HEPH: variants seen among roughly 807,000 people sequenced by gnomAD.
HEPH encodes hephaestin.
In HEPH, 69 loss-of-function variants were observed where a neutral mutation model predicts 80.8. The observed-to-expected ratio is 0.85, with a 90% CI of 0.70 to 1.04. The LOEUF (loss-of-function observed/expected upper bound fraction) is 1.04, where lower values mean the gene tolerates loss of function less well. Ranked by LOEUF, HEPH falls within the 50% of genes least tolerant of loss-of-function variation. The pLI, the probability that HEPH is intolerant of heterozygous loss-of-function variation, is 0.00. For synonymous variants in HEPH, 431 were observed against 322.8 expected (o/e 1.34, Z -3.60); for missense variants, 1,115 against 891.3 (o/e 1.25, Z -3.20).
chrX:66,240,405 G>T (rs779522948), intron 15 of HEPH, among the ~76,000 whole-genome samples: 19 of 110,057 alleles, frequency 1.7e-4, no homozygotes, highest in Admixed American at 2.9e-4. Context: ...ATAAGGAAAA[G>T]AAATATGTGA....
rs2088601018 is a variant in HEPH at position 66,203,650 on chromosome X, A to C, written c.2291+73A>C. On this transcript the variant is annotated intron_variant, in intron 13 of 20. Coordinates refer to ENST00000343002, the MANE Select transcript of HEPH (RefSeq NM_001367233.3). ...CAAATGAGAATACTGAAATTCTGAG[A>C]TGAGGAGACTCTTATCTCAGGTCTC... 4 of 907,949 alleles carry C rather than the reference A, an allele frequency of 4.4e-6. No individual in the cohort carries two copies. The Admixed American group carries it at 1.1e-4, about 25-fold the overall frequency. 74.8% of individuals were successfully genotyped at this position (907,949 alleles called of 1,213,427 possible). A position where few individuals can be genotyped will look rare whatever the true frequency, so the allele number is the denominator to read the frequency against.
chrX:66,171,742 T>C (rs1484674109), intron 2 of HEPH, among the ~76,000 whole-genome samples: 2 of 112,247 alleles, frequency 1.8e-5, no homozygotes, highest in African/African-American at 3.2e-5. Context: ...GTAGTAATAT[T>C]CCACATTTAT....
Position 66,258,902 on chromosome X carries a change from G to T in HEPH, c.2959G>T (p.Ala987Ser). ...TACCATGTACCAAGGAGAACGAGTG[G>T]CCTGGTACATGCTGGCCATGGGCCA... is the stretch of plus-strand genomic sequence containing the variant. ...GLTMYQGERVAWYMLAMGQDV... is the reference protein window; with the variant it reads ...GLTMYQGERVSWYMLAMGQDV... Residue 987 changes from alanine to serine, a missense_variant, in exon 18 of 21, where the codon GCC (alanine) becomes TCC (serine). By Grantham distance (99) the Ala-to-Ser change is moderately conservative. Around this residue, in one of 3 missense-constraint regions of HEPH, gnomAD observed 716 missense variants for 523.5 expected, o/e 1.37. Coordinates refer to ENST00000343002, the MANE Select transcript of HEPH (RefSeq NM_001367233.3). 8.3e-7 allele frequency: 1 copy of T among 1,198,548 alleles called. No homozygotes were observed. Among genetic ancestry groups the T allele is most frequent in the Non-Finnish European group, 1.1e-6 (1 of 888,534 alleles).
At chrX:66,188,924 G>A (rs1489047732) in intron 5 of HEPH, among the ~76,000 whole-genome samples, 1 of 112,465 alleles carries the variant, frequency 8.9e-6, no homozygotes, top group Non-Finnish European at 1.9e-5. Flanking sequence ...GAAGAAGTTA[G>A]CAGAATTATC....
chrX:66,188,822 C>T (rs1177881713), intron 5 of HEPH, among the ~76,000 whole-genome samples: 1 of 112,465 alleles, frequency 8.9e-6, no homozygotes, highest in African/African-American at 3.2e-5. Context: ...TGTGGAATAG[C>T]ACACAGTCTA....
intron 15 of HEPH, among the ~76,000 whole-genome samples, chrX:66,215,925 G>A (rs759686692): frequency 2.8e-4 from 30 of 108,511 alleles, no homozygotes; most frequent in African/African-American, 6.5e-4. Context: ...CCAGCCTTTC[G>A]GCTGTGGGCT....
At chrX:66,201,704 C>A (rs781577899) in intron 12 of HEPH, among the ~76,000 whole-genome samples, 1 of 111,753 alleles carries the variant, frequency 8.9e-6, no homozygotes, top group Non-Finnish European at 1.9e-5. Flanking sequence ...GTGTCTTCAA[C>A]GCTTTAATAA....
Position 66,188,339 on chromosome X carries a change from A to G in HEPH, c.626-20A>G. 8.7e-7 allele frequency: 1 copy of G among 1,150,212 alleles called. No homozygotes were observed. The highest frequency in any genetic ancestry group is 1.2e-6 in the Non-Finnish European group (1 of 860,129). The allele number at this position is 1,150,212 out of a possible 1,213,427, so 94.8% of individuals were successfully genotyped here. ...CTAAGGAAAGGATCTTCTCAAGGGAAACTGTCTTACTTGCCCTAGGAGCCC... is the reference window on the plus strand; with the variant it reads ...CTAAGGAAAGGATCTTCTCAAGGGAGACTGTCTTACTTGCCCTAGGAGCCC... On this transcript the variant is annotated intron_variant, in intron 4 of 20. Coordinates refer to ENST00000343002, the MANE Select transcript of HEPH (RefSeq NM_001367233.3).
chrX:66,264,263 A>G (rs1420151891), intron 20 of HEPH, among the ~76,000 whole-genome samples: 1 of 105,974 alleles, frequency 9.4e-6, no homozygotes, highest in Non-Finnish European at 1.9e-5. Flanking sequence ...ATATATATAT[A>G]TATGTAAAAT....
chrX:66,216,387 A>C (rs748984896), intron 15 of HEPH, among the ~76,000 whole-genome samples: 1 of 112,074 alleles, frequency 8.9e-6, no homozygotes, highest in Admixed American at 9.4e-5. Flanking sequence ...TGGCTGAGAG[A>C]CATGAAGACG....
In HEPH at chrX:66,208,110, A is replaced by G. The variant is rs1358196906; in HGVS notation, c.2432-5A>G. 1.7e-6 allele frequency: 2 copies of G among 1,170,764 alleles called. No individual in the cohort carries two copies. The highest frequency in any genetic ancestry group is 3.0e-5 in the East Asian group (1 of 32,821). On this transcript the variant is annotated splice_region_variant and splice_polypyrimidine_tract_variant and intron_variant, in intron 14 of 20. Transcript: ENST00000343002. ...TATTTATTTAATTATTTTTGTTTACATTAGGTCCACTTATCAAAGGTGAAG... is the reference window on the plus strand; with the variant it reads ...TATTTATTTAATTATTTTTGTTTACGTTAGGTCCACTTATCAAAGGTGAAG...
intron 15 of HEPH, among the ~76,000 whole-genome samples, chrX:66,210,811 G>A (rs1415606800): frequency 1.8e-5 from 2 of 111,322 alleles, no homozygotes; most frequent in Admixed American, 1.9e-4. Flanking sequence ...GTGGAATCAA[G>A]GTTCATAACC....
chrX:66,175,852 G>C, intron 4 of HEPH, among the ~76,000 whole-genome samples: 1 of 111,758 alleles, frequency 8.9e-6, no homozygotes, highest in Non-Finnish European at 1.9e-5. Context: ...TACTGATTTT[G>C]TACATTAATC....
At chrX:66,246,193 C>T (rs1182408350) in intron 15 of HEPH, among the ~76,000 whole-genome samples, 2 of 111,910 alleles carry the variant, frequency 1.8e-5, no homozygotes, top group African/African-American at 6.5e-5. Flanking sequence ...CCTGGGAAAA[C>T]AGGAAGCTGA....
At chrX:66,226,390 T>C (rs1207911311) in intron 15 of HEPH, among the ~76,000 whole-genome samples, 6 of 111,589 alleles carry the variant, frequency 5.4e-5, no homozygotes, top group Admixed American at 3.8e-4. Context: ...CTCAAGGAAC[T>C]GGAGAAACAA....
chrX:66,262,654 T>C (rs186537941), intron 19 of HEPH, among the ~76,000 whole-genome samples: 138 of 110,479 alleles, frequency 1.2e-3, no homozygotes, highest in African/African-American at 4.3e-3. Context: ...GTTACTGGAG[T>C]TTTGGTAGAT....
intron 15 of HEPH, among the ~76,000 whole-genome samples, chrX:66,249,410 T>G (rs1010633314): frequency 2.7e-5 from 3 of 112,022 alleles, no homozygotes; most frequent in African/African-American, 9.7e-5. Flanking sequence ...TTATTCTTAT[T>G]CTGTGAAATT....
chrX:66,225,799 A>G (rs1090831), intron 15 of HEPH, among the ~76,000 whole-genome samples: 42,157 of 111,928 alleles, frequency 0.38, 9,373 homozygotes, highest in African/African-American at 0.86. Context: ...TGCCTCGACT[A>G]TCTGTTAATC....
chrX:66,202,790 C>G (rs1319054886), intron 12 of HEPH, among the ~76,000 whole-genome samples: 1 of 108,999 alleles, frequency 9.2e-6, no homozygotes, highest in Non-Finnish European at 1.9e-5. Context: ...ATACTAAGCA[C>G]TGTTCACAAA....
Sources: allele counts gnomAD v4.1 joint callset (sites outside exome capture counted in the v4.1 genomes callset), GRCh38; gene constraint gnomAD v4.1.1; regional missense constraint gnomAD v4.1.1; transcripts MANE v1.5; gene names NCBI Gene and HGNC (gene_info 2026-07-23, HGNC 2026-07-21).